RAF1: variants seen among roughly 807,000 people sequenced by gnomAD.
RAF1 encodes the protein RAF proto-oncogene serine/threonine-protein kinase.
A neutral mutation model predicts 81.1 loss-of-function variants in RAF1; 27 were observed. That is an observed-to-expected ratio of 0.33 (90% CI 0.25 to 0.46). RAF1 has a LOEUF of 0.46. Ranked by LOEUF, RAF1 falls within the 20% of genes least tolerant of loss-of-function variation. The pLI, the probability that RAF1 is intolerant of heterozygous loss-of-function variation, is 1.00. For synonymous variants in RAF1, 298 were observed against 294.0 expected (o/e 1.01, Z -0.14); for missense variants, 598 against 826.0 (o/e 0.72, Z 3.38).
intron 6 of RAF1, among the ~76,000 whole-genome samples, 183 bp from the exon 7 acceptor site, chr3:12,604,472 G>A (rs1041556333): frequency 1.3e-5 from 2 of 152,138 alleles, no homozygotes; most frequent in African/African-American, 4.8e-5. Flanking sequence ...AGGTGCTTTT[G>A]CATACAAAAT....
At chr3:12,631,367 G>C (rs1032862684) in intron 1 of RAF1, among the ~76,000 whole-genome samples, 15 of 152,168 alleles carry the variant, frequency 9.9e-5, no homozygotes, top group African/African-American at 3.6e-4. Context: ...GGGAGACCAA[G>C]GCAGGCGGAT....
intron 1 of RAF1, among the ~76,000 whole-genome samples, chr3:12,633,593 T>C (rs2059926825): frequency 6.8e-6 from 1 of 147,570 alleles, no homozygotes. Context: ...ACGTTAAATA[T>C]CACAATAATG....
intron 1 of RAF1, among the ~76,000 whole-genome samples, chr3:12,639,455 T>C (rs903315737): frequency 3.3e-5 from 5 of 152,146 alleles, no homozygotes; most frequent in Non-Finnish European, 5.9e-5. Flanking sequence ...GATGACATGA[T>C]TGTATATTTA....
At chr3:12,651,052 C>T (rs1267305316) in intron 1 of RAF1, among the ~76,000 whole-genome samples, 3 of 152,188 alleles carry the variant, frequency 2.0e-5, no homozygotes, top group African/African-American at 7.2e-5. Context: ...TTTCTTATTA[C>T]ATAACTTTGT....
At chr3:12,651,780 C>T (rs1433222941) in intron 1 of RAF1, among the ~76,000 whole-genome samples, 6 of 150,716 alleles carry the variant, frequency 4.0e-5, no homozygotes, top group Non-Finnish European at 5.9e-5. Flanking sequence ...GAGGCCAAGG[C>T]GGGCAAATCA....
intron 1 of RAF1, among the ~76,000 whole-genome samples, chr3:12,645,114 A>AT (rs2060305880): frequency 6.6e-6 from 1 of 151,656 alleles, no homozygotes; most frequent in African/African-American, 2.4e-5. Context: ...AAAAAAAAAA[A>AT]AAAAAAATAA....
intron 1 of RAF1, among the ~76,000 whole-genome samples, chr3:12,654,320 G>A (rs1197016176): frequency 2.0e-5 from 3 of 151,924 alleles, no homozygotes; most frequent in African/African-American, 7.2e-5. Context: ...AAGTATGAGA[G>A]GCCAGGCACA....
chr3:12,600,108 T>C (rs372770696), intron 10 of RAF1, 44 bp downstream of exon 9: 17 of 1,613,178 alleles, frequency 1.1e-5, no homozygotes, highest in Non-Finnish European at 1.4e-5. Flanking sequence ...GAGGTTTTTC[T>C]TACTGAACCC....
chr3:12,584,527 A>G lies in RAF1; in HGVS notation c.1994T>C (p.Leu665Pro), dbSNP rs2125315719. The change falls in exon 18 of 18, where the codon CTG becomes CCG. Residue 665 changes from leucine to proline, a missense_variant. Transcript: ENST00000442415. ...GTGCAAAGTCAACTAGAAGACAGGCAGCCTCGGGGACGTGGTCAGCGTGCA... is the reference window on the plus strand; with the variant it reads ...GTGCAAAGTCAACTAGAAGACAGGCGGCCTCGGGGACGTGGTCAGCGTGCA... 2.5e-6 allele frequency: 4 copies of G among 1,614,218 alleles called. No homozygotes were observed. Among genetic ancestry groups the G allele is most frequent in the Non-Finnish European group, 3.4e-6 (4 of 1,180,042 alleles).
At chr3:12,654,008 A>G (rs1169560086) in intron 1 of RAF1, among the ~76,000 whole-genome samples, 2 of 147,198 alleles carry the variant, frequency 1.4e-5, no homozygotes, top group African/African-American at 2.5e-5. Context: ...TTTTTTTTTC[A>G]AGAGACAGCA....
rs749290558 is a variant in RAF1, at chr3:12,587,652, GAAATTATTAA to G, written c.1431-25_1431-16del. 1.9e-6 allele frequency: 3 copies of G among 1,599,984 alleles called. No homozygotes were observed. The South Asian group carries it at 3.3e-5, about 18-fold the overall frequency. On this transcript the variant is annotated splice_polypyrimidine_tract_variant and intron_variant, in intron 13 of 17. Coordinates refer to ENST00000442415, the MANE Select transcript of RAF1 (RefSeq NM_001354689.3). The stretch of plus-strand genomic sequence containing the variant: ...CATGCAAATAGCTGTGAAGGGAAAA[GAAATTATTAA>G]AAATAAGTTTGAGGGGCATGAGTAG...
chr3:12,596,425 C>T (rs2058689394), intron 11 of RAF1, among the ~76,000 whole-genome samples: 1 of 152,084 alleles, frequency 6.6e-6, no homozygotes, highest in African/African-American at 2.4e-5. Flanking sequence ...AACTCCTGAC[C>T]TCAAATGATC....
chr3:12,603,631 T>C (rs2058932672), intron 7 of RAF1: 2 of 617,102 alleles, frequency 3.2e-6, no homozygotes, highest in South Asian at 1.9e-5. Flanking sequence ...AGAAAGCAAA[T>C]TAAACCAATA....
intron 1 of RAF1, among the ~76,000 whole-genome samples, chr3:12,630,534 G>T (rs925646951): frequency 2.6e-5 from 4 of 152,192 alleles, no homozygotes; most frequent in Non-Finnish European, 2.9e-5. Context: ...TCTCAACGAA[G>T]AGGTAACTGC....
intron 1 of RAF1, among the ~76,000 whole-genome samples, chr3:12,650,132 C>T (rs1248128368): frequency 8.4e-6 from 1 of 119,380 alleles, no homozygotes; most frequent in African/African-American, 3.1e-5. Context: ...GGAGACAGTG[C>T]GAGACTCCAT....
At chr3:12,634,813 A>G (rs571905061) in intron 1 of RAF1, among the ~76,000 whole-genome samples, 3 of 152,102 alleles carry the variant, frequency 2.0e-5, no homozygotes, top group Non-Finnish European at 4.4e-5. Context: ...CCTTTGGAGG[A>G]GGTGAATGGT....
At chr3:12,611,128 C>A (rs1214860937) in intron 3 of RAF1, among the ~76,000 whole-genome samples, 1 of 152,068 alleles carries the variant, frequency 6.6e-6, no homozygotes, top group African/African-American at 2.4e-5. Flanking sequence ...AAAGAAAAAT[C>A]TTTGTCTCAA....
intron 1 of RAF1, among the ~76,000 whole-genome samples, chr3:12,661,273 T>C (rs547225269): frequency 1.4e-4 from 21 of 152,346 alleles, no homozygotes; most frequent in Non-Finnish European, 5.9e-5. Flanking sequence ...AACAGGTTGT[T>C]ATCCGAGAAG....
intron 8 of RAF1, among the ~76,000 whole-genome samples, chr3:12,602,589 G>A (rs777896049): frequency 1.3e-5 from 2 of 152,008 alleles, no homozygotes; most frequent in African/African-American, 4.8e-5. Flanking sequence ...ACTCCTGGTC[G>A]CAAGTGATCT....
Sources: gnomAD v4.1 joint callset for allele counts (sites outside exome capture counted in the v4.1 genomes callset) on GRCh38, gnomAD v4.1.1 for gene constraint, MANE v1.5 for transcripts, NCBI Gene and HGNC (gene_info 2026-07-23, HGNC 2026-07-21) for gene names.